Variants in HMCN1 observed in about 807,000 individuals in gnomAD.
HMCN1 encodes hemicentin-1.
A neutral mutation model predicts 625.9 loss-of-function variants in HMCN1; 321 were observed. The observed-to-expected ratio is 0.51, with a 90% confidence interval of 0.47 to 0.56. HMCN1 has a LOEUF of 0.56. Ranked by LOEUF, HMCN1 falls within the 20% of genes least tolerant of loss-of-function variation. The pLI is 0.00. For missense variants in HMCN1, 6,588 were observed against 6,887.3 expected, an observed-to-expected ratio of 0.96 and a Z score of 1.54; for synonymous variants, 2,425 against 2,417.6, an observed-to-expected ratio of 1.00 and a Z score of -0.09.
At chr1:186,182,114 C>T (rs1652970451) in intron 104 of HMCN1, 54 bp from the exon 105 acceptor site, 5 of 1,605,320 alleles carry the variant, frequency 3.1e-6, no homozygotes, top group Non-Finnish European at 3.4e-6. Context: ...GGCTCTGTCA[C>T]AGTGTCTGCT....
At chr1:186,154,058 G>T in intron 97 of HMCN1, 71 bp downstream of exon 97, 1 of 1,190,122 alleles carries the variant, frequency 8.4e-7, no homozygotes, top group Non-Finnish European at 1.3e-6. Flanking sequence ...TCAAAATAAG[G>T]ACATTGAGGC....
At chr1:185,783,510 CG>C (rs1323402474) in intron 1 of HMCN1, among the ~76,000 whole-genome samples, 2 of 152,062 alleles carry the variant, frequency 1.3e-5, no homozygotes, top group Non-Finnish European at 2.9e-5. Context: ...TGGTGACGTA[CG>C]GATGGGGTTT....
In HMCN1 at chr1:185,922,475, A is replaced by G. The variant is rs1667049966; in HGVS notation, c.997A>G (p.Lys333Glu). 1 of 1,613,522 alleles carries G rather than the reference A, an allele frequency of 6.2e-7. No individual in the cohort carries two copies. The highest frequency in any genetic ancestry group is 1.3e-5 in the African/African-American group (1 of 74,926). Residue 333 changes from lysine to glutamate, a missense_variant, in exon 7 of 107, where the codon AAA (lysine) becomes GAA (glutamate). Coordinates refer to ENST00000271588, the MANE Select transcript of HMCN1 (RefSeq NM_031935.3). Reference protein sequence around the residue: ...FSRKPTLDFKKTVSRPVQGIP... With the variant: ...FSRKPTLDFKETVSRPVQGIP... ...TCGAAAGCCCACCCTGGACTTCAAA[A>G]AAACAGTCAGCAGACCAGTGCAAGG... is the stretch of plus-strand genomic sequence containing the variant.
At chr1:186,044,357 C>T (rs1656408461) in intron 40 of HMCN1, among the ~76,000 whole-genome samples, 1 of 152,090 alleles carries the variant, frequency 6.6e-6, no homozygotes, top group Non-Finnish European at 1.5e-5. Flanking sequence ...GTGTTTCTTC[C>T]TTTAGCATCA....
intron 1 of HMCN1, among the ~76,000 whole-genome samples, chr1:185,826,843 A>G (rs1468473694): frequency 6.6e-6 from 1 of 152,164 alleles, no homozygotes; most frequent in African/African-American, 2.4e-5. Context: ...ATGAACTTCC[A>G]ACAAATAGCT....
chr1:186,152,204 T>C (rs570598076), intron 95 of HMCN1, among the ~76,000 whole-genome samples: 7 of 152,350 alleles, frequency 4.6e-5, no homozygotes, highest in African/African-American at 1.4e-4. Flanking sequence ...TAGCTATTCA[T>C]GACCCTTTCC....
chr1:185,929,543 TTAACTG>T (rs1297300097), intron 10 of HMCN1, among the ~76,000 whole-genome samples: 1 of 152,196 alleles, frequency 6.6e-6, no homozygotes, highest in African/African-American at 2.4e-5. Context: ...TGCTATGTGT[TTAACTG>T]TAACCTATTC....
intron 100 of HMCN1, among the ~76,000 whole-genome samples, chr1:186,170,909 T>A (rs1365784248): frequency 2.0e-5 from 3 of 152,158 alleles, no homozygotes; most frequent in Non-Finnish European, 4.4e-5. Context: ...CACAGGGTGA[T>A]AAAGACTTGC....
chr1:186,020,493 T>A (rs1654652947), intron 35 of HMCN1, among the ~76,000 whole-genome samples: 1 of 152,046 alleles, frequency 6.6e-6, no homozygotes, highest in Non-Finnish European at 1.5e-5. Flanking sequence ...TTTGTGCAAG[T>A]GAAAGATTCA....
Position 186,125,618 on chromosome 1 carries a change from A to G in HMCN1, c.12514A>G (p.Arg4172Gly). Reference protein sequence around the residue: ...KLTVHVPPRIRSTEGHYTVNE... With the variant: ...KLTVHVPPRIGSTEGHYTVNE... Reference sequence around the variant, plus strand: ...ACTCTTCATAGTACCACCCAGGATCAGAAGTACAGAAGGACACTACACGGT... The same window carrying G: ...ACTCTTCATAGTACCACCCAGGATCGGAAGTACAGAAGGACACTACACGGT... The change falls in exon 82 of 107, where the codon AGA becomes GGA. Residue 4172 changes from arginine to glycine, a missense_variant. Transcript: ENST00000271588. The G allele has an allele frequency of 1.2e-6, 2 of 1,613,072 alleles. No homozygotes were observed. Among genetic ancestry groups the G allele is most frequent in the South Asian group, 1.1e-5 (1 of 91,078 alleles).
At chr1:186,119,640 A>G in intron 78 of HMCN1, 105 bp from the exon 79 acceptor site, 1 of 1,155,308 alleles carries the variant, frequency 8.7e-7, no homozygotes, top group South Asian at 1.3e-5. Context: ...CAAATCACTA[A>G]TATTTTAGAA....
intron 1 of HMCN1, among the ~76,000 whole-genome samples, chr1:185,787,665 A>C (rs571409811): frequency 3.3e-5 from 5 of 152,360 alleles, no homozygotes; most frequent in Admixed American, 2.6e-4. Context: ...TTAAGTTAAC[A>C]AAGTGCTAGA....
intron 68 of HMCN1, among the ~76,000 whole-genome samples, chr1:186,102,330 A>G (rs1305739569): frequency 6.6e-6 from 1 of 152,146 alleles, no homozygotes; most frequent in Non-Finnish European, 1.5e-5. Context: ...GACTTAGTAT[A>G]TTATCTTTCT....
chr1:185,984,073 G>A, intron 18 of HMCN1, 96 bp from the exon 19 acceptor site: 2 of 894,480 alleles, frequency 2.2e-6, no homozygotes, highest in East Asian at 2.6e-5. Flanking sequence ...TAGACTTTTA[G>A]TAACCCAGTT....
intron 83 of HMCN1, 67 bp downstream of exon 83, chr1:186,128,358 T>G: frequency 7.8e-7 from 1 of 1,280,738 alleles, no homozygotes; most frequent in East Asian, 2.3e-5. Context: ...AAGCTCTGTT[T>G]CCTCCAGCTG....
intron 6 of HMCN1, among the ~76,000 whole-genome samples, chr1:185,921,981 A>G (rs1667027024): frequency 6.6e-6 from 1 of 152,224 alleles, no homozygotes; most frequent in Non-Finnish European, 1.5e-5. Context: ...AATATTTTCT[A>G]GAATTGAACC....
rs1666442590 is a variant in HMCN1 at position 185,911,863 on chromosome 1, A to G, written c.900+83A>G. ...GAAGTATACACAATGGTTTTTTTAAACATACACTCTTGCTATCATGGAGAG... is the reference window on the plus strand; with the variant it reads ...GAAGTATACACAATGGTTTTTTTAAGCATACACTCTTGCTATCATGGAGAG... On this transcript the variant is annotated intron_variant, in intron 6 of 106. Coordinates refer to ENST00000271588, the MANE Select transcript of HMCN1 (RefSeq NM_031935.3). 17 of 996,348 alleles carry G rather than the reference A, an allele frequency of 1.7e-5. 1 individual carries two copies. In the Middle Eastern group the frequency reaches 6.2e-4, roughly 37 times the overall value. The allele number at this position is 996,348 out of a possible 1,614,324, so 61.7% of individuals were successfully genotyped here. A position where few individuals can be genotyped will look rare whatever the true frequency, so the allele number is the denominator to read the frequency against.
rs530904498 is a variant in HMCN1 at position 186,176,362 on chromosome 1, A to T, written c.15943+1720A>T. ...AACTTATAATGGTATGGAAGATTAGAGACACTAGTTACCAATATTATAACT... is the reference window on the plus strand; with the variant it reads ...AACTTATAATGGTATGGAAGATTAGTGACACTAGTTACCAATATTATAACT... On this transcript the variant is annotated intron_variant, in intron 103 of 106. Transcript: ENST00000271588. Among the ~76,000 whole-genome samples the T allele has an allele frequency of 1.8e-4, 27 of 152,346 alleles. No homozygotes were observed. The East Asian group carries it at 3.3e-3, about 18-fold the overall frequency.
At position 186,115,376 on chromosome 1, in the gene HMCN1, G is replaced by A. The variant is rs183106644; in HGVS notation, c.11523G>A (p.Gly3841=). ...PKPSINWRKN[G]HLLNVDQNQN... ...CATCAATCAATTGGAGAAAAAATGG[G>A]CATCTTCTTAATGTGGATCAAAATC... The change falls in exon 75 of 107, where the codon GGG becomes GGA. Residue 3841 remains glycine, a synonymous_variant. Coordinates refer to ENST00000271588, the MANE Select transcript of HMCN1 (RefSeq NM_031935.3). 1.2e-6 allele frequency: 2 copies of A among 1,613,786 alleles called. No individual in the cohort carries two copies. Among genetic ancestry groups the A allele is most frequent in the African/African-American group, 1.3e-5 (1 of 75,020 alleles).
Sources: allele counts gnomAD v4.1 joint callset (sites outside exome capture counted in the v4.1 genomes callset), GRCh38; gene constraint gnomAD v4.1.1; transcripts MANE v1.5; gene names NCBI Gene and HGNC (gene_info 2026-07-23, HGNC 2026-07-21).